Variants in SCHIP1 observed in about 807,000 individuals in gnomAD.
SCHIP1 encodes the protein schwannomin-interacting protein 1.
Under a neutral mutation model 29.7 loss-of-function variants are expected in SCHIP1, and 8 were observed. That is an observed-to-expected ratio of 0.27 (90% CI 0.16 to 0.49). The LOEUF (loss-of-function observed/expected upper bound fraction) is 0.49. Ranked by LOEUF, SCHIP1 falls within the 20% of genes least tolerant of loss-of-function variation. The pLI, the probability that SCHIP1 is intolerant of heterozygous loss-of-function variation, is 0.99. For missense variants in SCHIP1, 193 were observed against 294.6 expected (o/e 0.66, Z 2.52); for synonymous variants, 76 against 94.9 (o/e 0.80, Z 1.16).
chr3:159,833,361 A>G, the SCHIP1 span, among the ~76,000 whole-genome samples: 4 of 152,190 alleles, frequency 2.6e-5, no homozygotes, highest in Non-Finnish European at 5.9e-5. Flanking sequence ...TTCAAAGCCA[A>G]CAACAACATT....
At chr3:159,371,715 C>T in the SCHIP1 span, among the ~76,000 whole-genome samples, 1 of 152,128 alleles carries the variant, frequency 6.6e-6, no homozygotes, top group Non-Finnish European at 1.5e-5. Context: ...TGCACATAGC[C>T]TATGCACATC....
the SCHIP1 span, among the ~76,000 whole-genome samples, chr3:159,584,336 T>C: frequency 6.6e-6 from 1 of 152,194 alleles, no homozygotes; most frequent in Non-Finnish European, 1.5e-5. Flanking sequence ...AAAGGTAATA[T>C]GTCAAGCCAA....
intron 2 of SCHIP1, among the ~76,000 whole-genome samples, chr3:159,871,349 A>C (rs1170077439): frequency 1.1e-5 from 1 of 88,890 alleles, no homozygotes. Flanking sequence ...TCTTACCCTG[A>C]TTTGTTTGTT....
chr3:159,411,297 C>T, the SCHIP1 span, among the ~76,000 whole-genome samples: 3 of 152,064 alleles, frequency 2.0e-5, no homozygotes, highest in Non-Finnish European at 4.4e-5. Context: ...TTGTTTGTAA[C>T]ACAAAGAAAG....
the SCHIP1 span, among the ~76,000 whole-genome samples, chr3:159,760,020 C>T: frequency 4.0e-5 from 5 of 124,620 alleles, no homozygotes; most frequent in African/African-American, 1.6e-4. Context: ...CAGTTTCCTA[C>T]TGATGACAAA....
At chr3:159,863,441 C>T (rs185448138) in intron 1 of SCHIP1, among the ~76,000 whole-genome samples, 2 of 152,188 alleles carry the variant, frequency 1.3e-5, no homozygotes, top group East Asian at 3.9e-4. Flanking sequence ...GATATGCAAC[C>T]ATTAAAGATT....
the SCHIP1 span, among the ~76,000 whole-genome samples, chr3:159,281,413 C>T: frequency 2.0e-5 from 3 of 152,164 alleles, no homozygotes; most frequent in Non-Finnish European, 2.9e-5. Context: ...GCCTAAAACA[C>T]ATATGCACAT....
the SCHIP1 span, among the ~76,000 whole-genome samples, chr3:159,669,174 G>A: frequency 2.0e-5 from 3 of 152,192 alleles, no homozygotes; most frequent in Non-Finnish European, 2.9e-5. Context: ...GTAACTTGTG[G>A]TGGTGTTGTA....
the SCHIP1 span, among the ~76,000 whole-genome samples, chr3:159,377,188 C>T: frequency 1.3e-5 from 2 of 152,232 alleles, no homozygotes; most frequent in Non-Finnish European, 1.5e-5. Flanking sequence ...AGCACCACCT[C>T]CTTTGATACA....
the SCHIP1 span, among the ~76,000 whole-genome samples, chr3:159,828,393 A>T: frequency 1.6e-5 from 1 of 63,294 alleles, no homozygotes; most frequent in Admixed American, 2.2e-4. Flanking sequence ...ATATACATAT[A>T]TACGTATATA....
At chr3:159,717,750 C>A in the SCHIP1 span, among the ~76,000 whole-genome samples, 1 of 152,096 alleles carries the variant, frequency 6.6e-6, no homozygotes, top group Non-Finnish European at 1.5e-5. Context: ...AGCCTACCAA[C>A]CAAAAAAAGT....
the SCHIP1 span, among the ~76,000 whole-genome samples, chr3:159,402,339 T>C: frequency 6.6e-6 from 1 of 152,188 alleles, no homozygotes; most frequent in East Asian, 1.9e-4. Context: ...GGTGGGACTG[T>C]AAACTAGTTC....
chr3:159,731,067 G>A, the SCHIP1 span, among the ~76,000 whole-genome samples: 11 of 152,150 alleles, frequency 7.2e-5, no homozygotes, highest in South Asian at 6.2e-4. Flanking sequence ...GCCAAATTCC[G>A]TTTTTAAAAG....
At chr3:159,534,896 A>G in the SCHIP1 span, among the ~76,000 whole-genome samples, 1 of 152,166 alleles carries the variant, frequency 6.6e-6, no homozygotes. Flanking sequence ...AGGCTTCTCT[A>G]TTTATCCACT....
chr3:159,806,837 G>C, the SCHIP1 span, among the ~76,000 whole-genome samples: 9 of 152,172 alleles, frequency 5.9e-5, no homozygotes, highest in African/African-American at 2.2e-4. Flanking sequence ...AGAAAAATGG[G>C]CAGATAAGTA....
At chr3:159,519,614 T>A in the SCHIP1 span, among the ~76,000 whole-genome samples, 2 of 152,158 alleles carry the variant, frequency 1.3e-5, no homozygotes, top group South Asian at 4.1e-4. Context: ...TTAAAAAAAA[T>A]TATTTTTGTG....
chr3:159,319,069 T>C, the SCHIP1 span, among the ~76,000 whole-genome samples: 1 of 152,184 alleles, frequency 6.6e-6, no homozygotes, highest in Non-Finnish European at 1.5e-5. Flanking sequence ...TCAGGCATCA[T>C]TGGATCTGAA....
the SCHIP1 span, among the ~76,000 whole-genome samples, chr3:159,680,852 T>C: frequency 1.4e-5 from 2 of 146,714 alleles, no homozygotes; most frequent in African/African-American, 2.5e-5. Flanking sequence ...TGAGGAATAG[T>C]ATGCCTGGTT....
At chr3:159,853,437 A>G in intron 1 of SCHIP1, 1 of 698,246 alleles carries the variant, frequency 1.4e-6, no homozygotes, top group East Asian at 2.7e-5. Flanking sequence ...CTCATTGGAT[A>G]TGGAGGGGAA....
Sources: gnomAD v4.1 joint callset for allele counts (sites outside exome capture counted in the v4.1 genomes callset) on GRCh38, gnomAD v4.1.1 for gene constraint, MANE v1.5 for transcripts, NCBI Gene and HGNC (gene_info 2026-07-23, HGNC 2026-07-21) for gene names.